CC2D2A: variants seen among roughly 807,000 people sequenced by gnomAD.
CC2D2A encodes coiled-coil and C2 domain-containing protein 2A.
Under a neutral mutation model 212.9 loss-of-function variants are expected in CC2D2A, and 155 were observed. The observed-to-expected ratio is 0.73, with a 90% CI of 0.64 to 0.83. The LOEUF is 0.83. Ranked by LOEUF, CC2D2A falls within the 40% of genes least tolerant of loss-of-function variation. The pLI is 0.00. For synonymous variants in CC2D2A, 667 were observed against 686.5 expected (o/e 0.97, Z 0.44); for missense variants, 1,856 against 1,956.2 (o/e 0.95, Z 0.97).
intron 11 of CC2D2A, chr4:15,519,266 TA>T: frequency 2.7e-6 from 1 of 376,950 alleles, no homozygotes; most frequent in Middle Eastern, 8.9e-4. Context: ...TGCTAAAATA[TA>T]ACAAGTCACA....
chr4:15,591,478 C>CA (rs1216018002), intron 33 of CC2D2A, among the ~76,000 whole-genome samples: 2 of 152,170 alleles, frequency 1.3e-5, no homozygotes, highest in Non-Finnish European at 2.9e-5. Context: ...CTCAGCCTCC[C>CA]AAAGTGCTGG....
intron 32 of CC2D2A, 112 bp from the exon 33 acceptor site, chr4:15,589,433 A>G: frequency 2.1e-6 from 2 of 940,392 alleles, no homozygotes; most frequent in Non-Finnish European, 3.2e-6. Flanking sequence ...ATTAACCATG[A>G]AATTTCAGAA....
intron 33 of CC2D2A, among the ~76,000 whole-genome samples, chr4:15,594,078 C>T (rs1237954205): frequency 6.6e-6 from 1 of 152,110 alleles, no homozygotes; most frequent in Non-Finnish European, 1.5e-5. Context: ...CTTGCTCTCT[C>T]CAGCTTGCTC....
intron 18 of CC2D2A, among the ~76,000 whole-genome samples, chr4:15,552,517 C>T (rs1362218160): frequency 2.6e-5 from 4 of 152,178 alleles, no homozygotes; most frequent in Non-Finnish European, 4.4e-5. Flanking sequence ...ATTTGTTTCT[C>T]CTTAGCACTT....
chr4:15,525,420 A>T (rs73235033), intron 11 of CC2D2A, among the ~76,000 whole-genome samples: 7,876 of 152,308 alleles, frequency 0.052, 602 homozygotes, highest in East Asian at 0.26. Flanking sequence ...TTTTTAATTA[A>T]TCCAGGTAAT....
chr4:15,550,000 C>G (rs1425763825), intron 17 of CC2D2A, among the ~76,000 whole-genome samples: 1 of 152,108 alleles, frequency 6.6e-6, no homozygotes, highest in Non-Finnish European at 1.5e-5. Context: ...GTAAACCAGT[C>G]ACAGAGACCT....
chr4:15,582,365 G>C (rs1389175867), intron 30 of CC2D2A, among the ~76,000 whole-genome samples: 2 of 151,674 alleles, frequency 1.3e-5, no homozygotes, highest in African/African-American at 2.4e-5. Context: ...AAAAATAAGA[G>C]CAGAAATAAA....
chr4:15,580,147 C>CCCCAATAATCTACAGGCAA lies in CC2D2A; in HGVS notation c.3953_3971dup (p.Ala1325GlnfsTer2). The CCCCAATAATCTACAGGCAA allele has an allele frequency of 1.9e-6, 3 of 1,613,704 alleles. No individual in the cohort carries two copies. The highest frequency in any genetic ancestry group is 2.5e-6 in the Non-Finnish European group (3 of 1,179,672). On this transcript the variant is annotated frameshift_variant, in exon 30 of 37. Transcript: ENST00000424120. LOFTEE classifies it high-confidence loss of function. ...CTCCTCAGGAGCTCCTTAATGTCTA[C>CCCCAATAATCTACAGGCAA]CCCAATAATCTACAGGCAACTGCAG...
intron 17 of CC2D2A, among the ~76,000 whole-genome samples, chr4:15,542,727 C>A (rs1469271427): frequency 2.6e-5 from 4 of 152,192 alleles, no homozygotes; most frequent in South Asian, 4.1e-4. Context: ...CTGGACCTTA[C>A]CACAATTGAC....
intron 4 of CC2D2A, among the ~76,000 whole-genome samples, chr4:15,491,147 C>T (rs6844141): frequency 0.13 from 20,422 of 152,044 alleles, 1,586 homozygotes; most frequent in African/African-American, 0.21. Flanking sequence ...TAAACTTACT[C>T]GTAACTTTTT....
chr4:15,470,681 CTCTCTCTCTATATATATATATATATA>C lies in CC2D2A; in HGVS notation c.-19+626_-19+651del, dbSNP rs1372983551. On this transcript the variant is annotated intron_variant, in intron 1 of 36. Coordinates refer to ENST00000424120, the MANE Select transcript of CC2D2A (RefSeq NM_001378615.1). ...TCTCTCTCTCTCTCTCTCTCTCTCT[CTCTCTCTCTATATATATATATATATA>C]TATATATATATATATATATATATAT... is the stretch of plus-strand genomic sequence containing the variant. Among the ~76,000 whole-genome samples, 397 of 57,278 alleles carry C rather than the reference CTCTCTCTCTATATATATATATATATA, an allele frequency of 6.9e-3. 2 individuals are homozygous for C. Among genetic ancestry groups the C allele is most frequent in the Non-Finnish European group, 9.2e-3 (271 of 29,304 alleles). 37.6% of individuals were successfully genotyped at this position (57,278 alleles called of 152,430 possible). A position where few individuals can be genotyped will look rare whatever the true frequency, so the allele number is the denominator to read the frequency against.
At chr4:15,576,060 T>G (rs1720391264) in intron 29 of CC2D2A, among the ~76,000 whole-genome samples, 1 of 152,170 alleles carries the variant, frequency 6.6e-6, no homozygotes, top group South Asian at 2.1e-4. Context: ...CAGCCTTCCT[T>G]CCCTAAAGCT....
intron 18 of CC2D2A, among the ~76,000 whole-genome samples, chr4:15,551,916 G>A (rs1719027946): frequency 6.6e-6 from 1 of 152,070 alleles, no homozygotes; most frequent in Non-Finnish European, 1.5e-5. Context: ...AGAGACTTAG[G>A]TTTTAGTTCC....
At chr4:15,500,366 G>A (rs751202771) in intron 4 of CC2D2A, among the ~76,000 whole-genome samples, 4 of 151,920 alleles carry the variant, frequency 2.6e-5, no homozygotes, top group Non-Finnish European at 4.4e-5. Flanking sequence ...GGAAGTCTCA[G>A]GACTCTGCGC....
intron 14 of CC2D2A, 106 bp from the exon 15 acceptor site, chr4:15,536,814 A>C (rs1199254461): frequency 1.9e-6 from 2 of 1,031,026 alleles, no homozygotes; most frequent in Non-Finnish European, 2.8e-6. Context: ...CGACATTTTT[A>C]GAAGAGGAAC....
intron 36 of CC2D2A, 44 bp from the exon 37 acceptor site, chr4:15,601,193 A>G: frequency 6.8e-7 from 1 of 1,479,974 alleles, no homozygotes; most frequent in South Asian, 1.2e-5. Flanking sequence ...AATGTATTAA[A>G]TCTTCAAACT....
At chr4:15,502,309 T>C (rs1715996876) in intron 4 of CC2D2A, 120 bp from the exon 5 acceptor site, 1 of 745,640 alleles carries the variant, frequency 1.3e-6, no homozygotes, top group African/African-American at 1.8e-5. Context: ...TATGTTCTCT[T>C]ATTTCTTTTT....
chr4:15,478,825 C>G lies in CC2D2A; in HGVS notation c.123+19C>G, dbSNP rs142821756. The G allele has an allele frequency of 6.5e-7, 1 of 1,536,030 alleles. No homozygotes were observed. The highest frequency in any genetic ancestry group is 8.8e-7 in the Non-Finnish European group (1 of 1,132,606). Reference sequence around the variant, plus strand: ...GAAACAGGTAAGAAGTGACAAGAAACTGTGTCTGCGTATTGTCATTGATCA... The same window carrying G: ...GAAACAGGTAAGAAGTGACAAGAAAGTGTGTCTGCGTATTGTCATTGATCA... On this transcript the variant is annotated intron_variant, in intron 3 of 36. Transcript: ENST00000424120.
Position 15,475,944 on chromosome 4 carries a change from G to A in CC2D2A, c.12G>A (p.Arg4=). ...CCATCCCAGCCAAAATGAATCCCAG[G>A]GAAGAAAAAGTAAAAATAATTACAG... The part of the protein sequence containing the change: MNP[R]EEKVKIITEE... Residue 4 remains arginine (R), a synonymous_variant, in exon 2 of 37, where the codon AGG becomes AGA. Transcript: ENST00000424120. 2 of 1,589,668 alleles carry A rather than the reference G, an allele frequency of 1.3e-6. No individual in the cohort carries two copies. The highest frequency in any genetic ancestry group is 1.7e-6 in the Non-Finnish European group (2 of 1,167,186).
Sources: gnomAD v4.1 joint callset for allele counts (sites outside exome capture counted in the v4.1 genomes callset) on GRCh38, gnomAD v4.1.1 for gene constraint, MANE v1.5 for transcripts, NCBI Gene and HGNC (gene_info 2026-07-23, HGNC 2026-07-21) for gene names.